PFKFB4: variants seen among roughly 807,000 people sequenced by gnomAD.
PFKFB4 encodes the protein 6-phosphofructo-2-kinase/fructose-2,6-bisphosphatase 4.
Under a neutral mutation model 62.8 loss-of-function variants are expected in PFKFB4, and 42 were observed. The ratio of observed to expected loss-of-function variants is 0.67; its 90% CI spans 0.52 to 0.86. PFKFB4 has a LOEUF of 0.86. Ranked by LOEUF, PFKFB4 falls within the 40% of genes least tolerant of loss-of-function variation. The pLI, the probability that PFKFB4 is intolerant of heterozygous loss-of-function variation, is 0.00. For missense variants in PFKFB4, 475 were observed against 627.2 expected, an observed-to-expected ratio of 0.76 and a Z score of 2.59; for synonymous variants, 204 against 240.7, an observed-to-expected ratio of 0.85 and a Z score of 1.41.
intron 3 of PFKFB4, among the ~76,000 whole-genome samples, chr3:48,546,551 G>A (rs917283503): frequency 6.6e-6 from 1 of 152,222 alleles, no homozygotes; most frequent in Admixed American, 6.5e-5. Flanking sequence ...TGTAGTGGGT[G>A]ACTGCATGTG....
rs71074260 is a variant in PFKFB4 at position 48,551,519 on chromosome 3, C to CTTTT, written c.98-1289_98-1286dup. Among the ~76,000 whole-genome samples, 30 of 29,126 alleles carry CTTTT rather than the reference C, an allele frequency of 1.0e-3. 1 individual carries two copies. Among genetic ancestry groups the CTTTT allele is most frequent in the Middle Eastern group, 0.029 (1 of 34 alleles). 19.1% of individuals were successfully genotyped at this position (29,126 alleles called of 152,430 possible). A position where few individuals can be genotyped will look rare whatever the true frequency, so the allele number is the denominator to read the frequency against. ...GGTGTGAGCCATCACCTCCAGCCTT[C>CTTTT]TTTTTTTTTTTTTTTTTTTTTTTTT... On this transcript the variant is annotated intron_variant, in intron 1 of 13. Coordinates refer to ENST00000232375, the MANE Select transcript of PFKFB4 (RefSeq NM_004567.4).
At chr3:48,539,860 C>T (rs959776746) in intron 4 of PFKFB4, 89 bp from the exon 5 acceptor site, 2 of 996,418 alleles carry the variant, frequency 2.0e-6, no homozygotes, top group African/African-American at 3.2e-5. Context: ...AGGGCCGCAG[C>T]ACAGGCTCTC....
chr3:48,555,169 C>T (rs1165611363), intron 1 of PFKFB4, among the ~76,000 whole-genome samples: 1 of 152,092 alleles, frequency 6.6e-6, no homozygotes, highest in Non-Finnish European at 1.5e-5. Context: ...TCAGCCTCCC[C>T]GCCTCCAGAA....
chr3:48,543,662 C>T lies in PFKFB4; in HGVS notation c.312-16G>A. On this transcript the variant is annotated splice_polypyrimidine_tract_variant and intron_variant, in intron 3 of 13. Transcript: ENST00000232375. ...GGCACACTGCCTTCAGGAGAGAAAA[C>T]ACAGGGTCAGCCCAGCACCCGACCC... 6.2e-7 allele frequency: 1 copy of T among 1,607,192 alleles called. No individual in the cohort carries two copies. Among genetic ancestry groups the T allele is most frequent in the Non-Finnish European group, 8.5e-7 (1 of 1,176,980 alleles).
chr3:48,535,730 G>A, intron 8 of PFKFB4, 72 bp from the exon 9 acceptor site: 1 of 1,575,476 alleles, frequency 6.3e-7, no homozygotes, highest in Non-Finnish European at 8.7e-7. Context: ...TAGCCGCAGG[G>A]TCCATGAGAT....
At chr3:48,531,250 C>T (rs965512487) in intron 9 of PFKFB4, among the ~76,000 whole-genome samples, 1 of 151,346 alleles carries the variant, frequency 6.6e-6, no homozygotes, top group African/African-American at 2.4e-5. Flanking sequence ...ACTGTAATAC[C>T]AGCAATTTGG....
At chr3:48,539,334 G>A (rs1349591093) in intron 5 of PFKFB4, 24 bp from the exon 6 acceptor site, 1 of 1,610,914 alleles carries the variant, frequency 6.2e-7, no homozygotes, top group South Asian at 1.1e-5. Context: ...AGAAGCGCCG[G>A]GGTGGTGGGA....
chr3:48,557,188 C>T (rs536087535), upstream of PFKFB4, among the ~76,000 whole-genome samples: 3 of 152,262 alleles, frequency 2.0e-5, no homozygotes, highest in South Asian at 2.1e-4. Flanking sequence ...GGCGCTGCAT[C>T]CCTGAGCAGC....
At chr3:48,555,807 G>A (rs1560183323) in intron 1 of PFKFB4, among the ~76,000 whole-genome samples, 1 of 152,120 alleles carries the variant, frequency 6.6e-6, no homozygotes, top group Non-Finnish European at 1.5e-5. Flanking sequence ...GGGAGGTTGA[G>A]GTGGGAGGAT....
chr3:48,522,661 G>A (rs2042132504), intron 12 of PFKFB4, among the ~76,000 whole-genome samples: 1 of 152,174 alleles, frequency 6.6e-6, no homozygotes, highest in Non-Finnish European at 1.5e-5. Context: ...CCTTGTGGGG[G>A]TTCAGAAAAA....
At chr3:48,554,698 A>G (rs1390445708) in intron 1 of PFKFB4, among the ~76,000 whole-genome samples, 1 of 152,162 alleles carries the variant, frequency 6.6e-6, no homozygotes, top group Non-Finnish European at 1.5e-5. Context: ...GAAGCAAAGA[A>G]AGAATGGTAG....
At chr3:48,531,657 G>C (rs1018282240) in intron 9 of PFKFB4, among the ~76,000 whole-genome samples, 1 of 151,758 alleles carries the variant, frequency 6.6e-6, no homozygotes, top group African/African-American at 2.4e-5. Context: ...GCTGGGTATG[G>C]TGATGTGTGC....
intron 3 of PFKFB4, among the ~76,000 whole-genome samples, chr3:48,544,479 G>C (rs1035850267): frequency 2.4e-5 from 3 of 126,614 alleles, no homozygotes; most frequent in Admixed American, 9.8e-5. Context: ...ATAAGGTCTC[G>C]CTCTGCCACC....
chr3:48,523,710 T>C lies in PFKFB4; in HGVS notation c.1213A>G (p.Lys405Glu), dbSNP rs1321412778. 1 of 1,614,144 alleles carries C rather than the reference T, an allele frequency of 6.2e-7. No individual in the cohort carries two copies. Among genetic ancestry groups the C allele is most frequent in the Non-Finnish European group, 8.5e-7 (1 of 1,180,002 alleles). The part of the protein sequence containing the change: ...MRCLLAYFLD[K>E]AAEQLPYLKC... The stretch of plus-strand genomic sequence containing the variant: ...GGGGCACAGCCCACACCTGCTGCCT[T>C]GTCGAGGAAGTAGGCCAGCAGGCAG... Residue 405 changes from lysine (K) to glutamate (E), a missense_variant, in exon 11 of 14, where the codon AAG becomes GAG. Physicochemically the swap from Lys to Glu is moderately conservative, Grantham distance 56. Coordinates refer to ENST00000232375, the MANE Select transcript of PFKFB4 (RefSeq NM_004567.4).
In PFKFB4 at chr3:48,519,116, T is replaced by C. The variant is rs1575346115; in HGVS notation, c.*631A>G. On this transcript the variant is annotated 3_prime_UTR_variant, in exon 14 of 14. Coordinates refer to ENST00000232375, the MANE Select transcript of PFKFB4 (RefSeq NM_004567.4). ...ATCCCAATGTGCTGAAGCAAGCGCATTGCTTTCATGAATGCCCACAACTAA... is the reference window on the plus strand; with the variant it reads ...ATCCCAATGTGCTGAAGCAAGCGCACTGCTTTCATGAATGCCCACAACTAA... 1 of 152,198 alleles carries C rather than the reference T, an allele frequency of 6.6e-6. No homozygotes were observed. Among genetic ancestry groups the C allele is most frequent in the East Asian group, 1.9e-4 (1 of 5,192 alleles). 9.4% of individuals were successfully genotyped at this position (152,198 alleles called of 1,614,324 possible).
chr3:48,560,031 C>A (rs1289410764), upstream of PFKFB4, among the ~76,000 whole-genome samples: 2 of 152,094 alleles, frequency 1.3e-5, no homozygotes, highest in Middle Eastern at 3.4e-3. Flanking sequence ...CTCAAGCGAT[C>A]CTCCCGCCTC....
chr3:48,561,394 T>A (rs1051819627), upstream of PFKFB4, among the ~76,000 whole-genome samples: 1 of 152,282 alleles, frequency 6.6e-6, no homozygotes, highest in Non-Finnish European at 1.5e-5. The surrounding 1 kb of genome is among the most constrained non-coding windows in gnomAD (Gnocchi z 5.2). Flanking sequence ...CCTAGAGTTG[T>A]CTGCACAGCC....
intron 6 of PFKFB4, 111 bp from the exon 7 acceptor site, chr3:48,538,730 G>T: frequency 7.1e-7 from 1 of 1,403,116 alleles, no homozygotes; most frequent in Non-Finnish European, 9.7e-7. Flanking sequence ...CCGGAGACCA[G>T]TGCGGGAACC....
chr3:48,533,166 C>T (rs781557753), intron 9 of PFKFB4, among the ~76,000 whole-genome samples: 22 of 152,178 alleles, frequency 1.4e-4, no homozygotes, highest in Admixed American at 2.6e-4. Context: ...CCTCCCACCT[C>T]AGCCTCCCAA....
Sources: gnomAD v4.1 joint callset for allele counts (sites outside exome capture counted in the v4.1 genomes callset) on GRCh38, gnomAD v4.1.1 for gene constraint, Gnocchi (gnomAD v3.1) non-coding constraint, MANE v1.5 for transcripts, NCBI Gene and HGNC (gene_info 2026-07-23, HGNC 2026-07-21) for gene names.